PDE4D: variants seen among roughly 807,000 people sequenced by gnomAD.
The protein encoded by PDE4D is phosphodiesterase 4D, also known as 3',5'-cyclic-AMP phosphodiesterase 4D.
PDE4D carries 24 observed loss-of-function variants against 87.4 expected under a neutral mutation model. The ratio of observed to expected loss-of-function variants is 0.27; its 90% confidence interval spans 0.20 to 0.39. The LOEUF is 0.39. Among genes scored for constraint, PDE4D ranks in the 10% least tolerant of loss-of-function variants. PDE4D has a pLI of 1.00. For synonymous variants in PDE4D, 384 were observed against 383.2 expected, an observed-to-expected ratio of 1.00 and a Z score of -0.02; for missense variants, 714 against 1,041.0, an observed-to-expected ratio of 0.69 and a Z score of 4.32.
chr5:59,244,146 C>T (rs1758268767), intron 1 of PDE4D, among the ~76,000 whole-genome samples: 1 of 151,834 alleles, frequency 6.6e-6, no homozygotes, highest in South Asian at 2.1e-4. Flanking sequence ...TATATATATA[C>T]AGGCTGGGCA....
intron 1 of PDE4D, among the ~76,000 whole-genome samples, chr5:59,753,076 G>A (rs72751250): frequency 0.17 from 26,417 of 152,092 alleles, 3,030 homozygotes; most frequent in South Asian, 0.25. Context: ...CATAGGGTCC[G>A]CAAAGCCTAA....
rs1008237302 is a variant in PDE4D, at chr5:60,378,617, G to A, written c.-90+109325C>T. On this transcript the variant is annotated intron_variant, in intron 1 of 16. Transcript: ENST00000502484. ...ACCTGTAATCCCAGCACTTTGGGAG[G>A]CCAAGGTGGGTGGATCACGATGTCA... Among the ~76,000 whole-genome samples, 3 of 152,242 alleles carry A rather than the reference G, an allele frequency of 2.0e-5. No individual in the cohort carries two copies. In the South Asian group the frequency reaches 6.2e-4, roughly 32 times the overall value.
intron 1 of PDE4D, among the ~76,000 whole-genome samples, chr5:60,259,583 A>G (rs553897239): frequency 2.8e-4 from 42 of 152,186 alleles, no homozygotes; most frequent in Admixed American, 5.2e-4. Flanking sequence ...CTGATCATAG[A>G]TATCATCTTG....
At chr5:59,491,559 C>T (rs1806185388) in intron 1 of PDE4D, among the ~76,000 whole-genome samples, 1 of 152,150 alleles carries the variant, frequency 6.6e-6, no homozygotes, top group Non-Finnish European at 1.5e-5. Flanking sequence ...TCTCTGTAGT[C>T]TCATTGTGAA....
chr5:60,454,046 T>C (rs1561274916), intron 1 of PDE4D, among the ~76,000 whole-genome samples: 1 of 152,166 alleles, frequency 6.6e-6, no homozygotes, highest in Non-Finnish European at 1.5e-5. Context: ...TTGTGTGGGC[T>C]TGGACAAGTG....
chr5:59,117,869 T>C, intron 5 of PDE4D, among the ~76,000 whole-genome samples: 1 of 151,892 alleles, frequency 6.6e-6, no homozygotes, highest in Non-Finnish European at 1.5e-5. Context: ...AGAACTGGCT[T>C]GCTAGCATAC....
At chr5:60,411,182 G>A (rs753146817) in intron 1 of PDE4D, among the ~76,000 whole-genome samples, 98 of 152,244 alleles carry the variant, frequency 6.4e-4, no homozygotes, top group Middle Eastern at 6.8e-3. Context: ...TTGTAATAAA[G>A]CATGCACTGG....
chr5:59,613,226 G>T (rs1385841427), intron 1 of PDE4D, among the ~76,000 whole-genome samples: 1 of 152,154 alleles, frequency 6.6e-6, no homozygotes, highest in Non-Finnish European at 1.5e-5. Context: ...GGAATTGGGA[G>T]TGTGAGGAAA....
chr5:59,720,213 G>A (rs768950270), intron 1 of PDE4D, among the ~76,000 whole-genome samples: 4 of 152,128 alleles, frequency 2.6e-5, no homozygotes, highest in Non-Finnish European at 5.9e-5. Context: ...CCAGGCTGGA[G>A]TGCAGTGGCA....
At chr5:60,488,742 G>A (rs1218659709), upstream of PDE4D, among the ~76,000 whole-genome samples, 1 of 152,098 alleles carries the variant, frequency 6.6e-6, no homozygotes, top group Non-Finnish European at 1.5e-5. Context: ...ACAGGGATGG[G>A]TTTCAGGAGC....
At chr5:59,846,585 T>C (rs1356529348) in intron 1 of PDE4D, among the ~76,000 whole-genome samples, 1 of 152,076 alleles carries the variant, frequency 6.6e-6, no homozygotes, top group Non-Finnish European at 1.5e-5. Context: ...AAGATATTTG[T>C]CATCATTGAT....
intron 2 of PDE4D, among the ~76,000 whole-genome samples, chr5:60,026,452 T>C (rs1179384225): frequency 6.6e-6 from 1 of 152,160 alleles, no homozygotes; most frequent in Non-Finnish European, 1.5e-5. Context: ...ATCTTTAAAG[T>C]GCTCACATGT....
intron 2 of PDE4D, among the ~76,000 whole-genome samples, chr5:60,088,329 C>T (rs1463595698): frequency 6.7e-6 from 1 of 150,074 alleles, no homozygotes; most frequent in Non-Finnish European, 1.5e-5. Flanking sequence ...AACAAAAAAA[C>T]CTAAAGTATG....
At chr5:59,140,375 C>T (rs1777713366) in intron 5 of PDE4D, among the ~76,000 whole-genome samples, 1 of 152,174 alleles carries the variant, frequency 6.6e-6, no homozygotes, top group Admixed American at 6.5e-5. Flanking sequence ...ATGTCCTGCA[C>T]ATTGGGTCTA....
intron 3 of PDE4D, among the ~76,000 whole-genome samples, chr5:59,932,790 G>A (rs890776215): frequency 5.3e-5 from 8 of 152,136 alleles, no homozygotes; most frequent in Non-Finnish European, 1.2e-4. Flanking sequence ...ATTCATACAT[G>A]GAGGGAAACA....
chr5:60,108,831 C>T, intron 2 of PDE4D, among the ~76,000 whole-genome samples: 1 of 152,026 alleles, frequency 6.6e-6, no homozygotes, highest in East Asian at 1.9e-4. Context: ...AACTGGATCC[C>T]TTCCTTACAC....
intron 3 of PDE4D, among the ~76,000 whole-genome samples, chr5:59,187,819 T>C (rs1743276441): frequency 6.6e-6 from 1 of 152,214 alleles, no homozygotes; most frequent in African/African-American, 2.4e-5. Context: ...ATAAATTTTA[T>C]GTTTGGTGTT....
chr5:59,138,723 C>A lies in PDE4D; in HGVS notation c.808+41872G>T, dbSNP rs181373545. ...ATATTTATTTTGCCCCCTGTATCATCCATTCAGTCATTTAACCAATATTTG... is the reference window on the plus strand; with the variant it reads ...ATATTTATTTTGCCCCCTGTATCATACATTCAGTCATTTAACCAATATTTG... On this transcript the variant is annotated intron_variant, in intron 5 of 14. Transcript: ENST00000340635. Among the ~76,000 whole-genome samples the A allele has an allele frequency of 2.8e-3, 431 of 152,306 alleles. 2 individuals are homozygous for A. The highest frequency in any genetic ancestry group is 0.014 in the Middle Eastern group (4 of 294).
intron 3 of PDE4D, among the ~76,000 whole-genome samples, chr5:59,933,984 T>C (rs894817942): frequency 6.6e-6 from 1 of 151,928 alleles, no homozygotes; most frequent in African/African-American, 2.4e-5. Flanking sequence ...GGGTTTTCTT[T>C]TTCTTTTTAT....
Sources: allele counts gnomAD v4.1 joint callset (sites outside exome capture counted in the v4.1 genomes callset), GRCh38; gene constraint gnomAD v4.1.1; transcripts MANE v1.5; gene names NCBI Gene and HGNC (gene_info 2026-07-23, HGNC 2026-07-21).